GPHN: variants seen among roughly 807,000 people sequenced by gnomAD.
The protein encoded by GPHN is gephyrin.
Under a neutral mutation model 95.5 loss-of-function variants are expected in GPHN, and 17 were observed. The ratio of observed to expected loss-of-function variants is 0.18; its 90% CI spans 0.12 to 0.27. The LOEUF is 0.27. GPHN is among the 10% of genes least tolerant of loss of function. GPHN has a pLI of 1.00. For synonymous variants in GPHN, 320 were observed against 322.5 expected (o/e 0.99, Z 0.08); for missense variants, 660 against 978.1 (o/e 0.67, Z 4.34).
the GPHN span, among the ~76,000 whole-genome samples, chr14:67,516,983 A>G: frequency 1.3e-5 from 2 of 152,244 alleles, no homozygotes; most frequent in African/African-American, 4.8e-5. Context: ...ACCCAAGGAC[A>G]TCATGCATAT....
At chr14:67,543,306 T>A in the GPHN span, among the ~76,000 whole-genome samples, 4 of 152,270 alleles carry the variant, frequency 2.6e-5, no homozygotes, top group South Asian at 8.3e-4. Context: ...AGGGGAGTGG[T>A]CCTGGACTAG....
chr14:67,623,716 A>G, the GPHN span, among the ~76,000 whole-genome samples: 1 of 151,704 alleles, frequency 6.6e-6, no homozygotes, highest in Admixed American at 6.6e-5. Flanking sequence ...TAATTTTTGT[A>G]TTTTTAGTAG....
rs1567458124 is a variant in GPHN, at chr14:67,179,689, T to G, written c.2176+15T>G. The stretch of plus-strand genomic sequence containing the variant: ...ACAGAGTACAGGTTAGTCATTCACA[T>G]CTACAGATATTCCTAGACACCTATC... On this transcript the variant is annotated intron_variant, in intron 22 of 22. Coordinates refer to ENST00000478722, the MANE Select transcript of GPHN (RefSeq NM_020806.5). 7.9e-7 allele frequency: 1 copy of G among 1,269,516 alleles called. No homozygotes were observed. The highest frequency in any genetic ancestry group is 1.2e-5 in the South Asian group (1 of 84,322). The allele number at this position is 1,269,516 out of a possible 1,614,324, so 78.6% of individuals were successfully genotyped here. A position where few individuals can be genotyped will look rare whatever the true frequency, so the allele number is the denominator to read the frequency against.
At chr14:66,619,299 G>T (rs12323495) in intron 1 of GPHN, among the ~76,000 whole-genome samples, 44,285 of 151,974 alleles carry the variant, frequency 0.29, 10,634 homozygotes, top group African/African-American at 0.63. Flanking sequence ...TTAAGAAACT[G>T]CTAAATTGTT....
chr14:66,834,189 A>C (rs1373753991), intron 4 of GPHN, among the ~76,000 whole-genome samples: 1 of 152,144 alleles, frequency 6.6e-6, no homozygotes, highest in African/African-American at 2.4e-5. Context: ...ATTTGAAAAG[A>C]AATGTTATGT....
the GPHN span, among the ~76,000 whole-genome samples, chr14:67,726,505 C>A: frequency 6.6e-6 from 1 of 152,190 alleles, no homozygotes; most frequent in Non-Finnish European, 1.5e-5. Flanking sequence ...GATGGCCAAC[C>A]AAGCCATGGG....
At chr14:67,496,391 G>GTTTTTT in the GPHN span, among the ~76,000 whole-genome samples, 2,318 of 30,112 alleles carry the variant, frequency 0.077, 967 homozygotes, top group South Asian at 0.13. Flanking sequence ...CTGCTCCGGC[G>GTTTTTT]TTTTTTTTTT....
chr14:67,735,049 C>T, the GPHN span: 4 of 669,098 alleles, frequency 6.0e-6, no homozygotes, highest in Admixed American at 2.1e-5. Flanking sequence ...TTATTAGATG[C>T]ACTTACAACC....
At chr14:66,949,805 G>T (rs547962690) in intron 8 of GPHN, among the ~76,000 whole-genome samples, 2 of 152,004 alleles carry the variant, frequency 1.3e-5, no homozygotes, top group African/African-American at 2.4e-5. Context: ...GCTCATTTTT[G>T]AATATTCTTG....
At chr14:67,678,442 G>C in the GPHN span, 1 of 1,538,176 alleles carries the variant, frequency 6.5e-7, no homozygotes, top group South Asian at 1.1e-5. Context: ...TAAAGAGAAA[G>C]GTATGAAGCA....
the GPHN span, chr14:67,343,462 T>G: frequency 6.6e-7 from 1 of 1,505,000 alleles, no homozygotes; most frequent in Non-Finnish European, 9.2e-7. Flanking sequence ...AAATTAATAA[T>G]GTAAGCACAA....
At chr14:67,020,075 A>G (rs866275639) in intron 9 of GPHN, among the ~76,000 whole-genome samples, 109 of 152,274 alleles carry the variant, frequency 7.2e-4, no homozygotes, top group African/African-American at 2.5e-3. Flanking sequence ...CTTCCCTTAT[A>G]TGTCACAAAT....
intron 1 of GPHN, among the ~76,000 whole-genome samples, chr14:66,537,811 G>A (rs909234128): frequency 5.9e-5 from 9 of 151,972 alleles, no homozygotes; most frequent in Non-Finnish European, 1.2e-4. Context: ...AAACTTATTG[G>A]TACAGAATTC....
chr14:66,932,444 GTTTTTTTTTTTTTTTTTTTT>G (rs35159325), intron 8 of GPHN, among the ~76,000 whole-genome samples: 3 of 24,394 alleles, frequency 1.2e-4, no homozygotes, highest in Non-Finnish European at 1.5e-4. Flanking sequence ...CCAAGACCAG[GTTTTTTTTTTTTTTTTTTTT>G]TTTTTTTTTT....
At chr14:66,790,494 A>G (rs960920817) in intron 3 of GPHN, among the ~76,000 whole-genome samples, 1 of 152,238 alleles carries the variant, frequency 6.6e-6, no homozygotes, top group African/African-American at 2.4e-5. Context: ...TAAATGCTCA[A>G]GATAATTTTT....
intron 11 of GPHN, among the ~76,000 whole-genome samples, chr14:67,060,234 A>G (rs539748435): frequency 4.7e-5 from 7 of 149,872 alleles, no homozygotes; most frequent in Non-Finnish European, 7.4e-5. Flanking sequence ...GGAAATTGCC[A>G]TTTCATTTTT....
intron 5 of GPHN, among the ~76,000 whole-genome samples, chr14:66,904,932 T>C (rs1443537875): frequency 6.6e-6 from 1 of 152,208 alleles, no homozygotes; most frequent in Non-Finnish European, 1.5e-5. Context: ...TGGTGTTCTC[T>C]GACCTTCCTG....
chr14:66,534,351 T>G (rs2059055985), intron 1 of GPHN, among the ~76,000 whole-genome samples: 1 of 152,184 alleles, frequency 6.6e-6, no homozygotes, highest in African/African-American at 2.4e-5. Context: ...TATCATAGAT[T>G]AGTCTTTCCT....
At chr14:66,968,196 G>A (rs895143885) in intron 9 of GPHN, among the ~76,000 whole-genome samples, 2 of 151,554 alleles carry the variant, frequency 1.3e-5, no homozygotes, top group Non-Finnish European at 2.9e-5. Context: ...AAGCAATTTC[G>A]GGGTTTCAAA....
Sources: allele counts gnomAD v4.1 joint callset (sites outside exome capture counted in the v4.1 genomes callset), GRCh38; gene constraint gnomAD v4.1.1; transcripts MANE v1.5; gene names NCBI Gene and HGNC (gene_info 2026-07-23, HGNC 2026-07-21).